Variants in RNPEP observed in about 807,000 individuals in gnomAD.
RNPEP encodes arginyl aminopeptidase.
Under a neutral mutation model 70.1 loss-of-function variants are expected in RNPEP, and 57 were observed. The observed-to-expected ratio is 0.81, with a 90% CI of 0.66 to 1.01. The LOEUF is 1.01. Among genes scored for constraint, RNPEP ranks in the 50% least tolerant of loss-of-function variants. The pLI, the probability that RNPEP is intolerant of heterozygous loss-of-function variation, is 0.00. For synonymous variants in RNPEP, 335 were observed against 357.4 expected (o/e 0.94, Z 0.71); for missense variants, 787 against 852.4 (o/e 0.92, Z 0.96).
At chr1:201,983,896 T>C (rs913668302) in intron 1 of RNPEP, 315 of 990,816 alleles carry the variant, frequency 3.2e-4, no homozygotes, top group Non-Finnish European at 3.3e-4. Flanking sequence ...TAGAGTTGGT[T>C]GCAAGTTTCA....
At chr1:202,002,463 C>T (rs1683865955) in intron 8 of RNPEP, among the ~76,000 whole-genome samples, 1 of 152,202 alleles carries the variant, frequency 6.6e-6, no homozygotes, top group Admixed American at 6.5e-5. Flanking sequence ...TGCCCAGCCG[C>T]CAGTTTCTGC....
At chr1:201,983,727 A>C in intron 1 of RNPEP, 5 of 1,138,318 alleles carry the variant, frequency 4.4e-6, no homozygotes, top group Non-Finnish European at 5.4e-6. Flanking sequence ...AAGCATTATA[A>C]TAATTTGGCC....
At chr1:202,001,309 C>G (rs1202863442) in intron 6 of RNPEP, 67 bp from the exon 7 acceptor site, 7 of 1,079,234 alleles carry the variant, frequency 6.5e-6, no homozygotes, top group Non-Finnish European at 8.6e-6. Flanking sequence ...GACTGTGGAG[C>G]TAGAGAAGAA....
intron 1 of RNPEP, among the ~76,000 whole-genome samples, chr1:201,984,187 C>G (rs1683042710): frequency 6.6e-6 from 1 of 152,222 alleles, no homozygotes; most frequent in Non-Finnish European, 1.5e-5. Context: ...GCCTCGGCGG[C>G]CTCCCAAAGT....
chr1:201,983,481 A>T, intron 1 of RNPEP: 1 of 1,364,334 alleles, frequency 7.3e-7, no homozygotes, highest in Non-Finnish European at 9.7e-7. Context: ...TTGTTCATGC[A>T]CTTCACTTAG....
chr1:201,982,851 C>T lies in RNPEP; in HGVS notation c.185C>T (p.Thr62Ile), dbSNP rs1044845476. ...GCAGGGAGCCGGGGGCTGAGCGGCA[C>T]CGCGGTCCTGGACCTGCGCTGCCTG... ...PGAGSRGLSG[T>I]AVLDLRCLEP... Residue 62 changes from threonine to isoleucine, a missense_variant, in exon 1 of 11, where the codon ACC (threonine) becomes ATC (isoleucine). Coordinates refer to ENST00000295640, the MANE Select transcript of RNPEP (RefSeq NM_020216.4). 25 of 1,359,568 alleles carry T rather than the reference C, an allele frequency of 1.8e-5. No individual in the cohort carries two copies. The highest frequency in any genetic ancestry group is 1.9e-5 in the Non-Finnish European group (20 of 1,059,070). The allele number at this position is 1,359,568 out of a possible 1,614,324, so 84.2% of individuals were successfully genotyped here.
In RNPEP at chr1:202,003,358, G is replaced by A. The variant is rs747043608; in HGVS notation, c.1548G>A (p.Glu516=). The A allele has an allele frequency of 6.2e-7, 1 of 1,614,182 alleles. No homozygotes were observed. The highest frequency in any genetic ancestry group is 1.1e-5 in the South Asian group (1 of 91,086). Residue 516 remains glutamate, a synonymous_variant, in exon 9 of 11, where the codon GAG becomes GAA. Transcript: ENST00000295640. ...TAGCCCAACTGTGGGCAGCCGAGGAGCTGGACATGAAGGCCATTGAAGCCG... is the reference window on the plus strand; with the variant it reads ...TAGCCCAACTGTGGGCAGCCGAGGAACTGGACATGAAGGCCATTGAAGCCG... ...EELAQLWAAE[E]LDMKAIEAVA... is the part of the protein sequence containing the mutation.
chr1:201,985,378 G>A (rs1397976955), intron 1 of RNPEP, among the ~76,000 whole-genome samples: 1 of 151,868 alleles, frequency 6.6e-6, no homozygotes, highest in Non-Finnish European at 1.5e-5. Flanking sequence ...AGTAGCTGGG[G>A]TAGCTGGGAC....
In RNPEP at chr1:202,005,580, C is replaced by G. The variant is rs779636715; in HGVS notation, c.1817C>G (p.Pro606Arg). The G allele has an allele frequency of 3.2e-5, 51 of 1,614,066 alleles. No homozygotes were observed. Among genetic ancestry groups the G allele is most frequent in the African/African-American group, 4.0e-5 (3 of 74,916 alleles). The part of the protein sequence containing the change: ...HNQGKQKYTL[P>R]LYHAMMGGSE... ...CAGGGGAAGCAGAAGTATACACTTCCGCTGTACCACGCAATGATGGGTGGC... is the reference window on the plus strand; with the variant it reads ...CAGGGGAAGCAGAAGTATACACTTCGGCTGTACCACGCAATGATGGGTGGC... Residue 606 changes from proline (P) to arginine (R), a missense_variant, in exon 11 of 11, where the codon CCG (proline) becomes CGG (arginine). Coordinates refer to ENST00000295640, the MANE Select transcript of RNPEP (RefSeq NM_020216.4).
chr1:201,996,146 GGA>G lies in RNPEP; in HGVS notation c.739_740del (p.Ser247ProfsTer5), dbSNP rs1194604550. 6.2e-7 allele frequency: 1 copy of G among 1,612,660 alleles called. No individual in the cohort carries two copies. Among genetic ancestry groups the G allele is most frequent in the Non-Finnish European group, 8.5e-7 (1 of 1,178,694 alleles). ...TGCTTTCTCTGCTCTCTTGTCTTTAGGAGCCGGGTGTGGGCTGAGCCCTGCCT... is the reference window on the plus strand; with the variant it reads ...TGCTTTCTCTGCTCTCTTGTCTTTAGGCCGGGTGTGGGCTGAGCCCTGCCT... On this transcript the variant is annotated frameshift_variant and splice_region_variant, in exon 4 of 11. Coordinates refer to ENST00000295640, the MANE Select transcript of RNPEP (RefSeq NM_020216.4). LOFTEE classifies it high-confidence loss of function.
rs184370580 is a variant in RNPEP at position 201,995,345 on chromosome 1, A to G, written c.738-802A>G. Reference sequence around the variant, plus strand: ...AGAGGCATTCTCCCTTATAACCACAATCCCATTATTGTACCTAAGGCAGTT... The same window carrying G: ...AGAGGCATTCTCCCTTATAACCACAGTCCCATTATTGTACCTAAGGCAGTT... On this transcript the variant is annotated intron_variant, in intron 3 of 10. Coordinates refer to ENST00000295640, the MANE Select transcript of RNPEP (RefSeq NM_020216.4). Among the ~76,000 whole-genome samples the G allele has an allele frequency of 6.6e-5, 10 of 152,246 alleles. No individual in the cohort carries two copies. In the East Asian group the frequency reaches 1.7e-3, roughly 26 times the overall value.
chr1:202,005,520 G>A lies in RNPEP; in HGVS notation c.1795-38G>A, dbSNP rs373507683. ...CAGCAGGGCTGGACAGATCCACCAG[G>A]CAAGCTTCTTAGGCATGTGTATGTG... On this transcript the variant is annotated intron_variant, in intron 10 of 10. Transcript: ENST00000295640. 3.2e-4 allele frequency: 516 copies of A among 1,607,812 alleles called. 1 individual carries two copies. Among genetic ancestry groups the A allele is most frequent in the Non-Finnish European group, 3.8e-4 (441 of 1,175,220 alleles).
chr1:201,985,271 A>G (rs1379632009), intron 1 of RNPEP, among the ~76,000 whole-genome samples: 1 of 151,856 alleles, frequency 6.6e-6, no homozygotes, highest in Non-Finnish European at 1.5e-5. Flanking sequence ...TGATCAGTCA[A>G]TTGATCAATT....
At chr1:202,000,240 C>A in intron 6 of RNPEP, 1 of 441,624 alleles carries the variant, frequency 2.3e-6, no homozygotes, top group Non-Finnish European at 4.1e-6. Flanking sequence ...GTGATGACTT[C>A]ACCATTGCTT....
intron 6 of RNPEP, 84 bp downstream of exon 6, chr1:202,000,099 T>A: frequency 1.0e-6 from 1 of 973,200 alleles, no homozygotes; most frequent in Non-Finnish European, 1.6e-6. Flanking sequence ...TGTTGATCAG[T>A]GCACGCTTAG....
chr1:201,995,795 A>C (rs1683524212), intron 3 of RNPEP: 2 of 211,336 alleles, frequency 9.5e-6, no homozygotes, highest in Non-Finnish European at 1.9e-5. Context: ...TTACTGTATA[A>C]ATGTTTGAAG....
chr1:201,998,579 C>T (rs1683659101), intron 5 of RNPEP, among the ~76,000 whole-genome samples: 1 of 152,170 alleles, frequency 6.6e-6, no homozygotes, highest in Non-Finnish European at 1.5e-5. Context: ...CTTTTTAGTA[C>T]ATATTGTCCA....
chr1:202,004,224 C>T (rs1036018608), intron 9 of RNPEP, 130 bp from the exon 10 acceptor site: 13 of 956,278 alleles, frequency 1.4e-5, no homozygotes, highest in Middle Eastern at 4.3e-4. Flanking sequence ...GATGGGGTTT[C>T]GCCATATTGG....
At position 201,982,671 on chromosome 1, in the gene RNPEP, C is replaced by T. The variant is rs747061104; in HGVS notation, c.5C>T (p.Ala2Val). Residue 2 changes from alanine (A) to valine (V), a missense_variant, in exon 1 of 11, where the codon GCG becomes GTG. Coordinates refer to ENST00000295640, the MANE Select transcript of RNPEP (RefSeq NM_020216.4). ...GTGAGCAACGGCTCTGCGGCCATGG[C>T]GAGCGGCGAGCATTCCCCCGGCAGC... M[A>V]SGEHSPGSGA... The T allele has an allele frequency of 1.2e-5, 17 of 1,369,716 alleles. No homozygotes were observed. In the Admixed American group the frequency reaches 1.9e-4, roughly 16 times the overall value. 84.8% of individuals were successfully genotyped at this position (1,369,716 alleles called of 1,614,324 possible).
Sources: allele counts gnomAD v4.1 joint callset (sites outside exome capture counted in the v4.1 genomes callset), GRCh38; gene constraint gnomAD v4.1.1; transcripts MANE v1.5; gene names NCBI Gene and HGNC (gene_info 2026-07-23, HGNC 2026-07-21).